PIK3C3: variants seen among roughly 807,000 people sequenced by gnomAD.
PIK3C3 encodes PI3-kinase type 3.
Under a neutral mutation model 126.1 loss-of-function variants are expected in PIK3C3, and 95 were observed. That is an observed-to-expected ratio of 0.75 (90% confidence interval 0.64 to 0.89). The LOEUF is 0.89. Ranked by LOEUF, PIK3C3 falls within the 40% of genes least tolerant of loss-of-function variation. PIK3C3 has a pLI of 0.00. For missense variants in PIK3C3, 829 were observed against 1,063.2 expected (o/e 0.78, Z 3.06); for synonymous variants, 374 against 360.0 (o/e 1.04, Z -0.44).
chr18:42,080,422 T>C (rs1205100498), intron 24 of PIK3C3, among the ~76,000 whole-genome samples: 3 of 151,238 alleles, frequency 2.0e-5, no homozygotes, highest in Non-Finnish European at 2.9e-5. Flanking sequence ...ACTTTTTCTC[T>C]GAGTAATAAT....
intron 18 of PIK3C3, among the ~76,000 whole-genome samples, chr18:42,039,343 T>G (rs1173395270): frequency 6.6e-6 from 1 of 152,218 alleles, no homozygotes; most frequent in African/African-American, 2.4e-5. Context: ...ATGCCTTAAT[T>G]ACTCTTCTCA....
intron 11 of PIK3C3, 86 bp downstream of exon 11, chr18:42,013,682 A>G: frequency 2.0e-6 from 2 of 981,560 alleles, no homozygotes; most frequent in Non-Finnish European, 3.1e-6. Context: ...CCTTAGATGT[A>G]CCAAATGCTA....
At position 42,006,192 on chromosome 18, in the gene PIK3C3, T is replaced by TA. The variant is rs1411417156; in HGVS notation, c.1170+1654dup. 2.0e-5 allele frequency among the ~76,000 whole-genome samples: 3 copies of TA among 151,316 alleles called. No individual in the cohort carries two copies. The East Asian group carries it at 6.4e-4, about 32-fold the overall frequency. Reference sequence around the variant, plus strand: ...TATTGATTTATTATGAAGGGTATCCTAAAGGTTGCAGATGAACAGCTAGTT... The same window carrying TA: ...TATTGATTTATTATGAAGGGTATCCTAAAAGGTTGCAGATGAACAGCTAGTT... On this transcript the variant is annotated intron_variant, in intron 10 of 24. Coordinates refer to ENST00000262039, the MANE Select transcript of PIK3C3 (RefSeq NM_002647.4).
intron 6 of PIK3C3, among the ~76,000 whole-genome samples, chr18:41,991,373 A>G (rs962922608): frequency 6.6e-6 from 1 of 151,208 alleles, no homozygotes; most frequent in South Asian, 2.1e-4. Context: ...AAATAAATAT[A>G]AAAAAAAATG....
intron 7 of PIK3C3, among the ~76,000 whole-genome samples, chr18:41,994,326 G>A (rs751426182): frequency 3.4e-4 from 52 of 152,132 alleles, no homozygotes; most frequent in Non-Finnish European, 5.9e-5. Context: ...TGAATTTTCA[G>A]TATAAAATCA....
rs79055168 is a variant in PIK3C3, at chr18:42,057,594, C to T, written c.2264-289C>T. On this transcript the variant is annotated intron_variant, in intron 21 of 24. Coordinates refer to ENST00000262039, the MANE Select transcript of PIK3C3 (RefSeq NM_002647.4). Reference sequence around the variant, plus strand: ...CTTAAAAAGTTACCCAGGCTCTGACCGTCTTTGATTCTGAAGACTTATAAA... The same window carrying T: ...CTTAAAAAGTTACCCAGGCTCTGACTGTCTTTGATTCTGAAGACTTATAAA... 6.4e-3 allele frequency: 1,752 copies of T among 272,184 alleles called. 30 individuals are homozygous for T. The highest frequency in any genetic ancestry group is 0.038 in the African/African-American group (1,660 of 43,906). 16.9% of individuals were successfully genotyped at this position (272,184 alleles called of 1,614,324 possible).
intron 24 of PIK3C3, among the ~76,000 whole-genome samples, chr18:42,076,120 A>G (rs1255292753): frequency 1.0e-4 from 6 of 57,344 alleles, no homozygotes; most frequent in African/African-American, 1.8e-4. Context: ...ATATATATAT[A>G]TGCGCATATA....
At chr18:42,024,550 C>A (rs1446780320) in intron 13 of PIK3C3, among the ~76,000 whole-genome samples, 1 of 151,894 alleles carries the variant, frequency 6.6e-6, no homozygotes. Flanking sequence ...ATTCTCCTGC[C>A]TCAGCCTCCC....
At chr18:42,041,828 A>G (rs1407189684) in intron 19 of PIK3C3, among the ~76,000 whole-genome samples, 1 of 152,182 alleles carries the variant, frequency 6.6e-6, no homozygotes, top group Non-Finnish European at 1.5e-5. Context: ...GCAGTGGTTA[A>G]AAGCTCAGGC....
chr18:42,020,718 A>G lies in PIK3C3; in HGVS notation c.1484+13A>G, dbSNP rs888481735. On this transcript the variant is annotated intron_variant, in intron 13 of 24. Coordinates refer to ENST00000262039, the MANE Select transcript of PIK3C3 (RefSeq NM_002647.4). ...ATTATTTATACTGGTATGTAAAAAT[A>G]ATTTTCTGTTTATTTTCTTATTACC... The G allele has an allele frequency of 6.8e-6, 10 of 1,473,204 alleles. No individual in the cohort carries two copies. Among genetic ancestry groups the G allele is most frequent in the African/African-American group, 5.6e-5 (4 of 71,316 alleles). The allele number at this position is 1,473,204 out of a possible 1,614,324, so 91.3% of individuals were successfully genotyped here. A position where few individuals can be genotyped will look rare whatever the true frequency, so the allele number is the denominator to read the frequency against.
rs1490291882 is a variant in PIK3C3, at chr18:42,083,914, T to A, written c.*2777T>A. ...AGTGATAGTACTGACCTCTAATGTG[T>A]GCATTTGTGGGTATGTGGTCCATTC... On this transcript the variant is annotated 3_prime_UTR_variant, in exon 25 of 25. Coordinates refer to ENST00000262039, the MANE Select transcript of PIK3C3 (RefSeq NM_002647.4). 5 of 152,196 alleles carry A rather than the reference T, an allele frequency of 3.3e-5. No individual in the cohort carries two copies. The highest frequency in any genetic ancestry group is 7.4e-5 in the Non-Finnish European group (5 of 68,026). 9.4% of individuals were successfully genotyped at this position (152,196 alleles called of 1,614,324 possible).
rs142072211 is a variant in PIK3C3 at position 42,076,107 on chromosome 18, T to TGC, written c.2650-5016_2650-5015insGC. Among the ~76,000 whole-genome samples the TGC allele has an allele frequency of 1.3e-4, 10 of 77,686 alleles. 1 individual carries two copies. Among genetic ancestry groups the TGC allele is most frequent in the African/African-American group, 5.2e-4 (8 of 15,390 alleles). 51.0% of individuals were successfully genotyped at this position (77,686 alleles called of 152,430 possible). A position where few individuals can be genotyped will look rare whatever the true frequency, so the allele number is the denominator to read the frequency against. On this transcript the variant is annotated intron_variant, in intron 24 of 24. Coordinates refer to ENST00000262039, the MANE Select transcript of PIK3C3 (RefSeq NM_002647.4). ...TACCTTGCATATATATATATATATA[T>TGC]ATATATATATATATGCGCATATATA... is the stretch of plus-strand genomic sequence containing the variant.
At chr18:42,059,166 A>G (rs370158616) in intron 22 of PIK3C3, among the ~76,000 whole-genome samples, 1 of 152,174 alleles carries the variant, frequency 6.6e-6, no homozygotes, top group East Asian at 1.9e-4. Context: ...TCTTACAGTA[A>G]TGGGGTTTCA....
intron 24 of PIK3C3, among the ~76,000 whole-genome samples, chr18:42,068,949 CAAAAA>C (rs35657662): frequency 1.2e-5 from 1 of 82,246 alleles, no homozygotes. Context: ...GACTCCGTCT[CAAAAA>C]AAAAAAAAAA....
chr18:41,971,845 T>G (rs888433928), intron 4 of PIK3C3, among the ~76,000 whole-genome samples: 5 of 152,042 alleles, frequency 3.3e-5, no homozygotes, highest in Admixed American at 3.3e-4. Flanking sequence ...ATTCTAAGTC[T>G]GAGGGGGAAT....
chr18:41,955,260 C>A lies in PIK3C3; in HGVS notation c.-32C>A, dbSNP rs367794000. ...TGTTGTTTTTCCTGTACCTAAGTTC[C>A]CGCTGTAGGTGGTACCTTTGCAGAC... On this transcript the variant is annotated 5_prime_UTR_variant, in exon 1 of 25. Coordinates refer to ENST00000262039, the MANE Select transcript of PIK3C3 (RefSeq NM_002647.4). 5 of 1,592,162 alleles carry A rather than the reference C, an allele frequency of 3.1e-6. No individual in the cohort carries two copies. The highest frequency in any genetic ancestry group is 4.3e-6 in the Non-Finnish European group (5 of 1,163,174).
chr18:41,962,057 G>GT (rs905553874), intron 2 of PIK3C3, among the ~76,000 whole-genome samples: 8 of 151,710 alleles, frequency 5.3e-5, no homozygotes, highest in Non-Finnish European at 7.4e-5. Flanking sequence ...TGTTTTGATT[G>GT]TTTTTTTTCC....
At chr18:42,060,065 C>T (rs1328860239) in intron 22 of PIK3C3, among the ~76,000 whole-genome samples, 2 of 152,158 alleles carry the variant, frequency 1.3e-5, no homozygotes, top group Non-Finnish European at 2.9e-5. Context: ...ATAAACCCAT[C>T]GCACCTGGCC....
chr18:42,059,548 A>G (rs547957883), intron 22 of PIK3C3, among the ~76,000 whole-genome samples: 9 of 152,326 alleles, frequency 5.9e-5, no homozygotes, highest in African/African-American at 1.4e-4. Context: ...AAGGAAAACA[A>G]TGTGGTTTAT....
Sources: gnomAD v4.1 joint callset for allele counts (sites outside exome capture counted in the v4.1 genomes callset) on GRCh38, gnomAD v4.1.1 for gene constraint, MANE v1.5 for transcripts, NCBI Gene and HGNC (gene_info 2026-07-23, HGNC 2026-07-21) for gene names.